ODAD4: variants seen among roughly 807,000 people sequenced by gnomAD.
ODAD4 encodes the protein outer dynein arm docking complex subunit 4.
ODAD4 carries 49 observed loss-of-function variants against 51.8 expected under a neutral mutation model. The ratio of observed to expected loss-of-function variants is 0.95; its 90% CI spans 0.75 to 1.20. The LOEUF (loss-of-function observed/expected upper bound fraction) is 1.20, where lower values mean the gene tolerates loss of function less well. ODAD4 is among the 50% of genes most tolerant of loss of function. The pLI, the probability that ODAD4 is intolerant of heterozygous loss-of-function variation, is 0.00. For missense variants in ODAD4, 590 were observed against 586.5 expected (o/e 1.01, Z -0.06); for synonymous variants, 235 against 221.3 (o/e 1.06, Z -0.55).
At chr17:41,934,038 C>CTTTTTTTTTTT (rs782039270) in intron 1 of ODAD4, among the ~76,000 whole-genome samples, 7 of 65,496 alleles carry the variant, frequency 1.1e-4, no homozygotes, top group Non-Finnish European at 1.5e-4. Flanking sequence ...TTCTTTCTTT[C>CTTTTTTTTTTT]TTTTTTTTTT....
chr17:41,936,380 C>G, intron 3 of ODAD4, 93 bp from the exon 4 acceptor site: 1 of 902,392 alleles, frequency 1.1e-6, no homozygotes, highest in Non-Finnish European at 1.8e-6. Flanking sequence ...TCCACCATCC[C>G]CCTGCCAAAG....
At position 41,955,322 on chromosome 17, in the gene ODAD4, G is replaced by T. The variant is rs1163982967; in HGVS notation, c.1443+5G>T. ...GCGCAGCAGGCCATCATCAGTGTGA[G>T]CCTTTCCACCCGCCGGGCTTCGGGT... On this transcript the variant is annotated splice_donor_5th_base_variant and intron_variant, in intron 10 of 11. Transcript: ENST00000377540. 1 of 774,684 alleles carries T rather than the reference G, an allele frequency of 1.3e-6. No individual in the cohort carries two copies. Among genetic ancestry groups the T allele is most frequent in the Non-Finnish European group, 2.4e-6 (1 of 415,496 alleles). 48.0% of individuals were successfully genotyped at this position (774,684 alleles called of 1,614,324 possible).
At position 41,935,196 on chromosome 17, in the gene ODAD4, C is replaced by T. The variant is rs782416476; in HGVS notation, c.115-21C>T. ...CCTTGCTCTTCATGCTGGCTGTCAA[C>T]CTGACTGGTTTCTTTGTCAGGCTCT... On this transcript the variant is annotated intron_variant, in intron 1 of 11. Transcript: ENST00000377540. 18 of 1,613,590 alleles carry T rather than the reference C, an allele frequency of 1.1e-5. No homozygotes were observed. In the South Asian group the frequency reaches 1.6e-4, roughly 15 times the overall value.
chr17:41,930,782 G>T lies in ODAD4; in HGVS notation c.59G>T (p.Gly20Val), dbSNP rs1555636635. ...ACCTTTCCCTCTTATATGGCCGAAG[G>T]CGAGCGGCTCTACCTGTGCGGGGAA... ...RSTFPSYMAEGERLYLCGEFS... is the reference protein window; with the variant it reads ...RSTFPSYMAEVERLYLCGEFS... Residue 20 changes from glycine to valine, a missense_variant, in exon 1 of 12, where the codon GGC (glycine) becomes GTC (valine). Gly to Val is a moderately radical substitution (Grantham distance 109). Transcript: ENST00000377540. The T allele has an allele frequency of 6.2e-7, 1 of 1,609,622 alleles. No individual in the cohort carries two copies. The highest frequency in any genetic ancestry group is 8.5e-7 in the Non-Finnish European group (1 of 1,178,014).
At chr17:41,957,297 C>T (rs1228247395) in intron 10 of ODAD4, among the ~76,000 whole-genome samples, 5 of 152,016 alleles carry the variant, frequency 3.3e-5, no homozygotes, top group Admixed American at 6.6e-5. Context: ...GAAATGGTTT[C>T]GGGATGAAAC....
Position 41,965,265 on chromosome 17 carries a change from C to G in ODAD4, c.1801C>G (p.Leu601Val), listed in dbSNP as rs1555642447. Residue 601 changes from leucine to valine, a missense_variant, in exon 12 of 12, where the codon CTA (leucine) becomes GTA (valine). By Grantham distance (32) the Leu-to-Val change is conservative (BLOSUM62 1). This residue lies in a region of ODAD4 where 226 missense variants were observed against 162.7 expected (regional missense o/e 1.39). Coordinates refer to ENST00000377540, the MANE Select transcript of ODAD4 (RefSeq NM_031421.5). ...TRSGETGRKL[L>V]EAGRRESREI... ...ATCAGGAGAAACAGGCAGGAAGCTA[C>G]TAGAAGCTGGCAGAAGAGAGTCAAG... 2 of 778,568 alleles carry G rather than the reference C, an allele frequency of 2.6e-6. No individual in the cohort carries two copies. Among genetic ancestry groups the G allele is most frequent in the South Asian group, 1.3e-5 (1 of 74,090 alleles). The allele number at this position is 778,568 out of a possible 1,614,324, so 48.2% of individuals were successfully genotyped here. A position where few individuals can be genotyped will look rare whatever the true frequency, so the allele number is the denominator to read the frequency against.
rs1598097526 is a variant in ODAD4 at position 41,965,841 on chromosome 17, ACT to A, written c.*359_*360del. Among the ~76,000 whole-genome samples, 1 of 152,152 alleles carries A rather than the reference ACT, an allele frequency of 6.6e-6. No homozygotes were observed. The highest frequency in any genetic ancestry group is 1.9e-4 in the East Asian group (1 of 5,202). On this transcript the variant is annotated 3_prime_UTR_variant, in exon 12 of 12. Coordinates refer to ENST00000377540, the MANE Select transcript of ODAD4 (RefSeq NM_031421.5). ...GGTGCTTCCCACACACCGGTGACTG[ACT>A]GAGTCCCTCCAGTGCGCAGGACAGC...
intron 8 of ODAD4, among the ~76,000 whole-genome samples, chr17:41,945,701 C>A (rs962914036): frequency 6.6e-6 from 1 of 152,152 alleles, no homozygotes; most frequent in African/African-American, 2.4e-5. Context: ...GAGTTCGAGA[C>A]CAGCCTGGCC....
intron 10 of ODAD4, among the ~76,000 whole-genome samples, chr17:41,956,246 A>G (rs1293577754): frequency 6.6e-6 from 1 of 151,110 alleles, no homozygotes; most frequent in Non-Finnish European, 1.5e-5. Flanking sequence ...ATGGGGTTTC[A>G]CCATGTTGGC....
At chr17:41,936,442 C>T (rs782432451) in intron 3 of ODAD4, 31 bp from the exon 4 acceptor site, 36 of 1,577,988 alleles carry the variant, frequency 2.3e-5, no homozygotes, top group Non-Finnish European at 3.0e-5. Flanking sequence ...GGGGGTCTGG[C>T]CGACCTGAGC....
intron 7 of ODAD4, among the ~76,000 whole-genome samples, chr17:41,944,487 A>G (rs192837027): frequency 1.3e-4 from 19 of 149,746 alleles, no homozygotes; most frequent in East Asian, 9.8e-4. Context: ...GAGCACTGAT[A>G]ACATTTAGAT....
chr17:41,954,842 C>T (rs1161969013), intron 9 of ODAD4, among the ~76,000 whole-genome samples: 2 of 144,012 alleles, frequency 1.4e-5, no homozygotes, highest in African/African-American at 2.5e-5. Flanking sequence ...AAGAGTGAAA[C>T]TCTGTCTCAA....
At chr17:41,944,327 G>A (rs918906294) in intron 7 of ODAD4, among the ~76,000 whole-genome samples, 11 of 151,410 alleles carry the variant, frequency 7.3e-5, no homozygotes, top group Non-Finnish European at 1.2e-4. Context: ...TTGTGCCACC[G>A]CACTCCAACC....
At chr17:41,935,788 T>C (rs1555637691) in intron 3 of ODAD4, 39 bp downstream of exon 3, 1 of 1,609,222 alleles carries the variant, frequency 6.2e-7, no homozygotes, top group Non-Finnish European at 8.5e-7. Context: ...TCCAGGAAGG[T>C]CCTTGGAATC....
At chr17:41,951,040 G>T (rs2050644331) in intron 9 of ODAD4, among the ~76,000 whole-genome samples, 1 of 150,116 alleles carries the variant, frequency 6.7e-6, no homozygotes, top group Non-Finnish European at 1.5e-5. Context: ...TGATGGAAAT[G>T]TTCTAAAATG....
intron 2 of ODAD4, 80 bp from the exon 3 acceptor site, chr17:41,935,519 C>T (rs1269366476): frequency 2.6e-6 from 4 of 1,540,374 alleles, no homozygotes; most frequent in South Asian, 1.2e-5. Flanking sequence ...GACCTTCAAC[C>T]CAGGACCCTT....
chr17:41,959,013 CAA>C (rs72102753), intron 10 of ODAD4, among the ~76,000 whole-genome samples: 22 of 88,026 alleles, frequency 2.5e-4, no homozygotes, highest in Non-Finnish European at 1.7e-4. Context: ...GACTCCGTCT[CAA>C]AAAAAAAAAA....
chr17:41,953,668 T>TATAG (rs71155199), intron 9 of ODAD4, among the ~76,000 whole-genome samples: 8,751 of 144,888 alleles, frequency 0.06, 337 homozygotes, highest in Non-Finnish European at 0.09. Context: ...TATATATATA[T>TATAG]AGAGAGAGAG....
chr17:41,936,848 G>A lies in ODAD4; in HGVS notation c.546G>A (p.Lys182=). The part of the protein sequence containing the change: ...KGEPKWKASL[K]SEKTVRQLLG... Reference sequence around the variant, plus strand: ...AGCCCAAGTGGAAGGCCTCGCTCAAGAGTGAGAAGACTGTCCGCCAGCTTC... The same window carrying A: ...AGCCCAAGTGGAAGGCCTCGCTCAAAAGTGAGAAGACTGTCCGCCAGCTTC... The change falls in exon 5 of 12, where the codon AAG becomes AAA. Residue 182 remains lysine (K), a synonymous_variant. Coordinates refer to ENST00000377540, the MANE Select transcript of ODAD4 (RefSeq NM_031421.5). The A allele has an allele frequency of 6.2e-7, 1 of 1,613,978 alleles. No individual in the cohort carries two copies. Among genetic ancestry groups the A allele is most frequent in the South Asian group, 1.1e-5 (1 of 91,080 alleles).
Sources: gnomAD v4.1 joint callset for allele counts (sites outside exome capture counted in the v4.1 genomes callset) on GRCh38, gnomAD v4.1.1 for gene constraint, gnomAD v4.1.1 regional missense constraint, MANE v1.5 for transcripts, NCBI Gene and HGNC (gene_info 2026-07-23, HGNC 2026-07-21) for gene names.